TRPM3: variants seen among roughly 807,000 people sequenced by gnomAD.
TRPM3 encodes long transient receptor potential channel 3.
TRPM3 carries 77 observed loss-of-function variants against 181.2 expected under a neutral mutation model. The ratio of observed to expected loss-of-function variants is 0.42; its 90% CI spans 0.35 to 0.51. The LOEUF is 0.51. TRPM3 is among the 20% of genes least tolerant of loss of function. TRPM3 has a pLI of 0.01. For missense variants in TRPM3, 1,759 were observed against 2,196.7 expected (o/e 0.80, Z 3.98); for synonymous variants, 745 against 796.4 (o/e 0.94, Z 1.09).
chr9:71,384,476 A>T (rs2092881119), intron 1 of TRPM3, among the ~76,000 whole-genome samples: 1 of 152,212 alleles, frequency 6.6e-6, no homozygotes, highest in African/African-American at 2.4e-5. Context: ...TCATGAGCAT[A>T]CATTTCCCAT....
In TRPM3 at chr9:70,925,766, A is replaced by T. The variant is rs1273134644; in HGVS notation, c.178-61255T>A. The stretch of plus-strand genomic sequence containing the variant: ...GGAAACACAATATCTCCTTTCAGCC[A>T]GCGCGGGAGAGATAAATTTCTCACT... On this transcript the variant is annotated intron_variant, in intron 1 of 25. Coordinates refer to ENST00000677713, the MANE Select transcript of TRPM3 (RefSeq NM_001366145.2). Among the ~76,000 whole-genome samples, 4 of 152,208 alleles carry T rather than the reference A, an allele frequency of 2.6e-5. No individual in the cohort carries two copies. The East Asian group carries it at 5.8e-4, about 22-fold the overall frequency.
intron 1 of TRPM3, chr9:70,917,466 C>G: frequency 1.3e-6 from 1 of 746,346 alleles, no homozygotes; most frequent in Non-Finnish European, 2.5e-6. Context: ...GCCACCCGCA[C>G]TGTCACTGCC....
intron 6 of TRPM3, among the ~76,000 whole-genome samples, chr9:70,800,869 T>A (rs2088781066): frequency 6.6e-6 from 1 of 152,176 alleles, no homozygotes; most frequent in African/African-American, 2.4e-5. Flanking sequence ...AAGGGCAGCA[T>A]TGTTCAAGGG....
At chr9:71,083,325 A>G (rs1368767954) in intron 1 of TRPM3, among the ~76,000 whole-genome samples, 1 of 152,060 alleles carries the variant, frequency 6.6e-6, no homozygotes, top group East Asian at 1.9e-4. Context: ...ACAGTGGGAA[A>G]ATTTAATATC....
At chr9:70,854,713 T>C (rs1018469542) in intron 3 of TRPM3, among the ~76,000 whole-genome samples, 7 of 152,178 alleles carry the variant, frequency 4.6e-5, no homozygotes, top group African/African-American at 9.7e-5. Flanking sequence ...AAGTTACTCA[T>C]GGCTGGAATT....
rs979354957 is a variant in TRPM3 at position 70,565,827 on chromosome 9, C to T, written c.3224-12517G>A. Among the ~76,000 whole-genome samples the T allele has an allele frequency of 2.6e-5, 4 of 152,168 alleles. No individual in the cohort carries two copies. In the East Asian group the frequency reaches 7.7e-4, roughly 29 times the overall value. Reference sequence around the variant, plus strand: ...TTGAGACTTAGATCTGGCATTTTGCCATCTATGTCCTATGGGTAAGTCCTT... The same window carrying T: ...TTGAGACTTAGATCTGGCATTTTGCTATCTATGTCCTATGGGTAAGTCCTT... On this transcript the variant is annotated intron_variant, in intron 22 of 25. Coordinates refer to ENST00000677713, the MANE Select transcript of TRPM3 (RefSeq NM_001366145.2).
At chr9:71,146,243 T>C (rs138658907) in intron 1 of TRPM3, among the ~76,000 whole-genome samples, 80 of 152,254 alleles carry the variant, frequency 5.3e-4, no homozygotes, top group Non-Finnish European at 9.7e-4. Flanking sequence ...AAGCCATAGG[T>C]AAGAATGATG....
intron 12 of TRPM3, among the ~76,000 whole-genome samples, chr9:70,627,205 GTGAGAACAAATAGATAGTAA>G (rs1258101751): frequency 6.7e-6 from 1 of 149,624 alleles, no homozygotes; most frequent in Non-Finnish European, 1.5e-5. Flanking sequence ...CCTCAATGGA[GTGAGAACAAATAGATAGTAA>G]TTGAAGCACC....
At position 70,639,087 on chromosome 9, in the gene TRPM3, G is replaced by C; in HGVS notation, c.1554C>G (p.Ile518Met). Reference sequence around the variant, plus strand: ...TATTGTACAATTCCTCTAGTCTGGAGATGGTGAGAAAACGGTGCATGCTTA... The same window carrying C: ...TATTGTACAATTCCTCTAGTCTGGACATGGTGAGAAAACGGTGCATGCTTA... ...NGVSMHRFLTISRLEELYNTR... is the reference protein window; with the variant it reads ...NGVSMHRFLTMSRLEELYNTR... The change falls in exon 11 of 26, where the codon ATC (isoleucine) becomes ATG (methionine). Residue 518 changes from isoleucine (I) to methionine (M), a missense_variant. By Grantham distance (10) the Ile-to-Met change is conservative. Transcript: ENST00000677713. 6.2e-7 allele frequency: 1 copy of C among 1,613,960 alleles called. No individual in the cohort carries two copies. The highest frequency in any genetic ancestry group is 1.1e-5 in the South Asian group (1 of 91,064).
intron 1 of TRPM3, among the ~76,000 whole-genome samples, chr9:71,328,451 C>T (rs1481570134): frequency 6.6e-6 from 1 of 152,190 alleles, no homozygotes. Context: ...CAGGCGTGAG[C>T]CACCGCACCC....
At chr9:71,119,462 G>A (rs985354822) in intron 1 of TRPM3, among the ~76,000 whole-genome samples, 3 of 151,456 alleles carry the variant, frequency 2.0e-5, no homozygotes, top group African/African-American at 7.3e-5. Context: ...AAAAGACAGA[G>A]CTTCTTCTAA....
chr9:71,042,819 T>C (rs752639130), intron 1 of TRPM3, among the ~76,000 whole-genome samples: 6 of 152,180 alleles, frequency 3.9e-5, no homozygotes, highest in Admixed American at 2.6e-4. Context: ...GTAATTTAAA[T>C]AAGCATTCTA....
In TRPM3 at chr9:71,397,470, G is replaced by A. The variant is rs537677291; in HGVS notation, c.183+49183C>T. ...TTTGACACCCTAAGTTCTGTTGAAT[G>A]TTATATACAACATCACAGTGACTTA... On this transcript the variant is annotated intron_variant, in intron 1 of 24. Coordinates refer to the TRPM3 transcript ENST00000357533. Among the ~76,000 whole-genome samples the A allele has an allele frequency of 2.0e-5, 3 of 152,194 alleles. No homozygotes were observed. In the East Asian group the frequency reaches 5.8e-4, roughly 29 times the overall value.
chr9:70,851,494 T>C (rs1348127795), intron 3 of TRPM3, among the ~76,000 whole-genome samples: 3 of 152,324 alleles, frequency 2.0e-5, no homozygotes, highest in Middle Eastern at 3.4e-3. Context: ...AGGACTTCTA[T>C]GGTTATACAT....
In TRPM3 at chr9:70,536,729, G is replaced by A. The variant is rs1260364748; in HGVS notation, c.4384C>T (p.Pro1462Ser). Residue 1462 changes from proline (P) to serine (S), a missense_variant, in exon 26 of 26, where the codon CCC (proline) becomes TCC (serine). Physicochemically the swap from Pro to Ser is moderately conservative, Grantham distance 74 (BLOSUM62 -1). Around this residue, in one of 8 missense-constraint regions of TRPM3, gnomAD observed 612 missense variants for 590.0 expected, o/e 1.04. Coordinates refer to ENST00000677713, the MANE Select transcript of TRPM3 (RefSeq NM_001366145.2). ...PSSSAYATLA[P>S]TDRPPSRSID... ...CTCCGGCTTGGAGGTCTGTCTGTGG[G>A]TGCAAGTGTTGCATAGGCACTACTT... 3 of 1,614,060 alleles carry A rather than the reference G, an allele frequency of 1.9e-6. No individual in the cohort carries two copies. The highest frequency in any genetic ancestry group is 2.2e-5 in the East Asian group (1 of 44,880).
chr9:70,559,763 C>T (rs2048604230), intron 22 of TRPM3, among the ~76,000 whole-genome samples: 1 of 152,140 alleles, frequency 6.6e-6, no homozygotes, highest in African/African-American at 2.4e-5. Context: ...TCAGGAGCCT[C>T]CTCAAGCCCA....
At chr9:70,698,928 G>A (rs2071501690) in intron 8 of TRPM3, among the ~76,000 whole-genome samples, 1 of 152,134 alleles carries the variant, frequency 6.6e-6, no homozygotes, top group South Asian at 2.1e-4. Flanking sequence ...ACAGCCTGTG[G>A]AACCATGAGC....
In TRPM3 at chr9:71,258,112, A is replaced by G. The variant is rs148946302; in HGVS notation, c.183+188541T>C. On this transcript the variant is annotated intron_variant, in intron 1 of 24. Transcript: ENST00000357533. Reference sequence around the variant, plus strand: ...AAATCATGAAAATGAAAATATTCAAAGGCATAAAACTTCATAGGCACATTT... The same window carrying G: ...AAATCATGAAAATGAAAATATTCAAGGGCATAAAACTTCATAGGCACATTT... Among the ~76,000 whole-genome samples, 1,355 of 152,314 alleles carry G rather than the reference A, an allele frequency of 8.9e-3. 15 individuals carry two copies. The highest frequency in any genetic ancestry group is 0.012 in the Non-Finnish European group (844 of 68,028).
intron 1 of TRPM3, among the ~76,000 whole-genome samples, chr9:71,359,142 C>T (rs916053374): frequency 6.6e-6 from 1 of 152,146 alleles, no homozygotes; most frequent in African/African-American, 2.4e-5. Flanking sequence ...CAAAGAGTGA[C>T]ATTAGGGAAG....
Sources: allele counts gnomAD v4.1 joint callset (sites outside exome capture counted in the v4.1 genomes callset), GRCh38; gene constraint gnomAD v4.1.1; regional missense constraint gnomAD v4.1.1; transcripts MANE v1.5; gene names NCBI Gene and HGNC (gene_info 2026-07-23, HGNC 2026-07-21).